Variants in MCTP2 observed in about 807,000 individuals in gnomAD.
MCTP2 encodes the protein multiple C2 and transmembrane domain-containing protein 2.
MCTP2 carries 132 observed loss-of-function variants against 111.6 expected under a neutral mutation model. The observed-to-expected ratio is 1.18, with a 90% CI of 1.03 to 1.37. MCTP2 has a LOEUF of 1.37. MCTP2 is among the 40% of genes most tolerant of loss of function. The pLI is 0.00. For synonymous variants in MCTP2, 395 were observed against 387.7 expected, an observed-to-expected ratio of 1.02 and a Z score of -0.22; for missense variants, 1,183 against 1,067.9, an observed-to-expected ratio of 1.11 and a Z score of -1.50.
At chr15:94,262,964 C>A (rs867804542) in intron 1 of MCTP2, among the ~76,000 whole-genome samples, 1 of 152,210 alleles carries the variant, frequency 6.6e-6, no homozygotes, top group East Asian at 1.9e-4. Flanking sequence ...TGCCACTGCA[C>A]CTGGCCTTAT....
chr15:94,359,509 G>A (rs1339231224), intron 10 of MCTP2, among the ~76,000 whole-genome samples: 1 of 152,148 alleles, frequency 6.6e-6, no homozygotes, highest in Non-Finnish European at 1.5e-5. Flanking sequence ...TGGATCTTGG[G>A]TTCAGGGAGA....
intron 1 of MCTP2, among the ~76,000 whole-genome samples, chr15:94,238,051 C>G (rs936480999): frequency 6.6e-6 from 1 of 152,044 alleles, no homozygotes; most frequent in African/African-American, 2.4e-5. Context: ...TGTCATGCCT[C>G]TCTAAAATGT....
chr15:94,297,485 A>G (rs1291125533), intron 1 of MCTP2, among the ~76,000 whole-genome samples: 1 of 152,142 alleles, frequency 6.6e-6, no homozygotes, highest in East Asian at 1.9e-4. Flanking sequence ...TTTTGCTCTA[A>G]TCACCTGTAT....
At chr15:94,383,214 A>G (rs8036300) in intron 12 of MCTP2, among the ~76,000 whole-genome samples, 67,698 of 152,058 alleles carry the variant, frequency 0.45, 15,925 homozygotes, top group East Asian at 0.81. Context: ...TAACTCCTAA[A>G]GAGCCATTTT....
At chr15:94,350,461 T>C (rs2078243527) in intron 8 of MCTP2, among the ~76,000 whole-genome samples, 1 of 152,104 alleles carries the variant, frequency 6.6e-6, no homozygotes, top group Non-Finnish European at 1.5e-5. Context: ...TCCAAGCTAC[T>C]TGGGAGGCTG....
intron 19 of MCTP2, among the ~76,000 whole-genome samples, chr15:94,448,981 G>A (rs754939485): frequency 7.2e-5 from 11 of 152,066 alleles, no homozygotes; most frequent in Non-Finnish European, 1.3e-4. Context: ...CAGAGGTTGC[G>A]GTGAGCCGAG....
chr15:94,480,864 A>C lies in MCTP2; in HGVS notation c.*1830A>C, dbSNP rs1373006912. 5 of 152,208 alleles carry C rather than the reference A, an allele frequency of 3.3e-5. No individual in the cohort carries two copies. Among genetic ancestry groups the C allele is most frequent in the African/African-American group, 9.6e-5 (4 of 41,462 alleles). The allele number at this position is 152,208 out of a possible 1,614,324, so 9.4% of individuals were successfully genotyped here. Reference sequence around the variant, plus strand: ...CCGACAAGAAGGCATCATTAGTTAGACTTGTTTCCTCTGTAGCCCGATTGA... The same window carrying C: ...CCGACAAGAAGGCATCATTAGTTAGCCTTGTTTCCTCTGTAGCCCGATTGA... On this transcript the variant is annotated 3_prime_UTR_variant, in exon 23 of 23. Transcript: ENST00000357742.
chr15:94,479,064 CA>C lies in MCTP2; in HGVS notation c.*32del. ...CACACCGACTTTGGACAGCAGCACC[CA>C]ATATTGTGTTTGGTTGAGTAGACCA... On this transcript the variant is annotated 3_prime_UTR_variant, in exon 23 of 23. Transcript: ENST00000357742. 2 of 1,608,630 alleles carry C rather than the reference CA, an allele frequency of 1.2e-6. No homozygotes were observed. Among genetic ancestry groups the C allele is most frequent in the Non-Finnish European group, 1.7e-6 (2 of 1,175,214 alleles).
chr15:94,391,393 A>C (rs1475786788), intron 14 of MCTP2, among the ~76,000 whole-genome samples: 1 of 152,208 alleles, frequency 6.6e-6, no homozygotes, highest in Non-Finnish European at 1.5e-5. Flanking sequence ...AGTAAATAAT[A>C]TTGATTTATA....
chr15:94,314,173 C>T (rs1382721606), intron 2 of MCTP2, 109 bp from the exon 3 acceptor site: 2 of 719,520 alleles, frequency 2.8e-6, no homozygotes, highest in East Asian at 5.2e-5. Flanking sequence ...ACTGAAGCTG[C>T]ATATGCAAAT....
chr15:94,331,535 A>T (rs2152390891), intron 4 of MCTP2, among the ~76,000 whole-genome samples: 1 of 152,352 alleles, frequency 6.6e-6, no homozygotes, highest in African/African-American at 2.4e-5. Flanking sequence ...CCGAAGACCC[A>T]GGAAGACCTC....
chr15:94,379,593 C>G (rs941047864), intron 12 of MCTP2, among the ~76,000 whole-genome samples: 2 of 151,472 alleles, frequency 1.3e-5, no homozygotes, highest in Non-Finnish European at 2.9e-5. Context: ...GAAATGAAAA[C>G]TACTGGTCAT....
chr15:94,434,740 C>T (rs941275267), intron 17 of MCTP2, among the ~76,000 whole-genome samples: 2 of 152,192 alleles, frequency 1.3e-5, no homozygotes, highest in Admixed American at 6.5e-5. Context: ...TTTTCACCAA[C>T]ACTACTACTA....
At chr15:94,343,626 C>CA (rs1316795375) in intron 7 of MCTP2, 4 of 151,922 alleles carry the variant, frequency 2.6e-5, no homozygotes, top group African/African-American at 4.8e-5. Context: ...TTTTTTGTGG[C>CA]AAAAAACAGG....
chr15:94,440,504 G>A (rs142401718), intron 18 of MCTP2, among the ~76,000 whole-genome samples: 4 of 152,244 alleles, frequency 2.6e-5, no homozygotes, highest in East Asian at 1.9e-4. Flanking sequence ...CTGAGTCTTG[G>A]CCTGCATGAA....
chr15:94,433,552 T>C (rs745762822), intron 17 of MCTP2, among the ~76,000 whole-genome samples: 1 of 152,204 alleles, frequency 6.6e-6, no homozygotes, highest in African/African-American at 2.4e-5. Context: ...AGTTTTGTTA[T>C]TTAGAATAAT....
chr15:94,251,260 C>G (rs2072399147), intron 1 of MCTP2, among the ~76,000 whole-genome samples: 1 of 152,170 alleles, frequency 6.6e-6, no homozygotes, highest in South Asian at 2.1e-4. Context: ...GTGTCAGTTT[C>G]TAGACCTGTA....
intron 1 of MCTP2, among the ~76,000 whole-genome samples, chr15:94,245,294 ATATT>A (rs771870680): frequency 2.3e-4 from 33 of 142,686 alleles, no homozygotes; most frequent in African/African-American, 6.1e-4. Context: ...ACATATGTAT[ATATT>A]TATATACATA....
intron 3 of MCTP2, among the ~76,000 whole-genome samples, 187 bp from the exon 4 acceptor site, chr15:94,315,342 G>A (rs2076330543): frequency 6.6e-6 from 1 of 152,176 alleles, no homozygotes; most frequent in African/African-American, 2.4e-5. Context: ...AATCCCACTG[G>A]GGAGAAATGT....
Sources: gnomAD v4.1 joint callset for allele counts (sites outside exome capture counted in the v4.1 genomes callset) on GRCh38, gnomAD v4.1.1 for gene constraint, MANE v1.5 for transcripts, NCBI Gene and HGNC (gene_info 2026-07-23, HGNC 2026-07-21) for gene names.